LACTB2: variants seen among roughly 807,000 people sequenced by gnomAD.
LACTB2 encodes lactamase beta 2.
A neutral mutation model predicts 34.8 loss-of-function variants in LACTB2; 32 were observed. That is an observed-to-expected ratio of 0.92 (90% confidence interval 0.69 to 1.24). LACTB2 has a LOEUF of 1.24. Ranked by LOEUF, LACTB2 falls within the 50% of genes most tolerant of loss-of-function variation. The pLI, the probability that LACTB2 is intolerant of heterozygous loss-of-function variation, is 0.00. For synonymous variants in LACTB2, 120 were observed against 117.5 expected (o/e 1.02, Z -0.14); for missense variants, 320 against 345.0 (o/e 0.93, Z 0.57).
intron 1 of LACTB2, chr8:70,663,411 T>A (rs1168816463): frequency 1.3e-5 from 2 of 152,266 alleles, no homozygotes; most frequent in Non-Finnish European, 2.9e-5. Flanking sequence ...CATTGGCTTC[T>A]ATCTGCACCC....
At chr8:70,661,418 T>A in intron 2 of LACTB2, 5 of 282,496 alleles carry the variant, frequency 1.8e-5, no homozygotes. Context: ...AGCACCTACC[T>A]CACAGTATCC....
chr8:70,668,500 A>G (rs959740297), intron 1 of LACTB2, among the ~76,000 whole-genome samples: 3 of 152,226 alleles, frequency 2.0e-5, no homozygotes, highest in African/African-American at 7.2e-5. Context: ...ATGAGCCCAC[A>G]GGCTGCAGAG....
chr8:70,638,721 T>G, intron 5 of LACTB2, 92 bp from the exon 6 acceptor site: 1 of 1,041,196 alleles, frequency 9.6e-7, no homozygotes, highest in Non-Finnish European at 1.3e-6. Flanking sequence ...AAGCAAAATG[T>G]AGCAAAAGTT....
At chr8:70,660,334 A>G (rs776889221) in intron 2 of LACTB2, 57 of 302,806 alleles carry the variant, frequency 1.9e-4, no homozygotes, top group Admixed American at 3.4e-4. Flanking sequence ...GTAAGACAAG[A>G]GAAGGAAAAG....
chr8:70,648,318 A>G (rs918393647), intron 3 of LACTB2, among the ~76,000 whole-genome samples: 3 of 152,246 alleles, frequency 2.0e-5, no homozygotes, highest in African/African-American at 7.2e-5. Context: ...AAAACGAACA[A>G]GCAAACAAAG....
chr8:70,657,650 C>T (rs571741058), intron 3 of LACTB2, 106 bp downstream of exon 3: 17 of 1,119,862 alleles, frequency 1.5e-5, no homozygotes, highest in African/African-American at 1.1e-4. Context: ...TGGGCTCAAA[C>T]GATCTTCCCA....
At chr8:70,638,226 CA>C (rs1818147989) in intron 6 of LACTB2, among the ~76,000 whole-genome samples, 1 of 152,146 alleles carries the variant, frequency 6.6e-6, no homozygotes, top group Non-Finnish European at 1.5e-5. Flanking sequence ...TGGCTGTTCC[CA>C]AATCTACCAC....
At chr8:70,640,196 A>T (rs575829447) in intron 5 of LACTB2, among the ~76,000 whole-genome samples, 8 of 152,230 alleles carry the variant, frequency 5.3e-5, no homozygotes, top group Non-Finnish European at 4.4e-5. Flanking sequence ...TCCTGGGCTG[A>T]AGCAAACCTC....
intron 3 of LACTB2, among the ~76,000 whole-genome samples, chr8:70,650,446 G>A (rs1187632765): frequency 6.6e-6 from 1 of 151,940 alleles, no homozygotes; most frequent in Admixed American, 6.6e-5. Context: ...AACTCTCCTG[G>A]AGCACAGAAA....
chr8:70,668,171 T>C (rs1299194981), intron 1 of LACTB2, among the ~76,000 whole-genome samples: 4 of 152,212 alleles, frequency 2.6e-5, no homozygotes, highest in Admixed American at 6.5e-5. Flanking sequence ...ACTTACTAAA[T>C]CGTTTTTAGT....
chr8:70,662,505 G>A (rs1352560192), intron 1 of LACTB2: 3 of 152,166 alleles, frequency 2.0e-5, no homozygotes, highest in Non-Finnish European at 4.4e-5. Flanking sequence ...CTTTAGTGAA[G>A]CATGGGAAAA....
chr8:70,641,320 C>T (rs1363703198), intron 4 of LACTB2, among the ~76,000 whole-genome samples: 1 of 152,078 alleles, frequency 6.6e-6, no homozygotes, highest in Non-Finnish European at 1.5e-5. Flanking sequence ...CAATAAAACA[C>T]AGCAATAAAA....
chr8:70,660,538 C>T (rs1445285246), intron 2 of LACTB2: 1 of 447,098 alleles, frequency 2.2e-6, no homozygotes, highest in Non-Finnish European at 4.5e-6. Flanking sequence ...TTTAAAAATA[C>T]TAGCTCAATG....
chr8:70,663,199 G>C (rs1408085373), intron 1 of LACTB2: 2 of 152,234 alleles, frequency 1.3e-5, no homozygotes, highest in African/African-American at 4.8e-5. Context: ...CTGTTGGTGA[G>C]AAGGGGAACT....
At chr8:70,641,418 T>C (rs1170866292) in intron 4 of LACTB2, among the ~76,000 whole-genome samples, 2 of 152,226 alleles carry the variant, frequency 1.3e-5, no homozygotes, top group African/African-American at 4.8e-5. Flanking sequence ...CATACATTAT[T>C]CTTACAAGAA....
intron 5 of LACTB2, 115 bp from the exon 6 acceptor site, chr8:70,638,744 AT>A (rs377700622): frequency 0.15 from 93,216 of 621,514 alleles, no homozygotes; most frequent in South Asian, 0.2. Flanking sequence ...TCTTAAACAC[AT>A]TTTTTTTTTT....
intron 3 of LACTB2, among the ~76,000 whole-genome samples, chr8:70,647,412 C>G (rs1448085962): frequency 6.6e-6 from 1 of 152,176 alleles, no homozygotes; most frequent in East Asian, 1.9e-4. Context: ...GCCACCACAC[C>G]TGGCTAATTT....
At chr8:70,651,319 T>C (rs528413634) in intron 3 of LACTB2, among the ~76,000 whole-genome samples, 1 of 152,334 alleles carries the variant, frequency 6.6e-6, no homozygotes, top group South Asian at 2.1e-4. Context: ...TGGCAAGGTA[T>C]TAAAGAGCTG....
intron 1 of LACTB2, among the ~76,000 whole-genome samples, chr8:70,668,757 T>TTTTTTG (rs1818575552): frequency 6.9e-6 from 1 of 145,582 alleles, no homozygotes; most frequent in African/African-American, 2.6e-5. Flanking sequence ...AGTTTTTTTT[T>TTTTTTG]TTTTTTTTTT....
Sources: gnomAD v4.1 joint callset for allele counts (sites outside exome capture counted in the v4.1 genomes callset) on GRCh38, gnomAD v4.1.1 for gene constraint, MANE v1.5 for transcripts, NCBI Gene and HGNC (gene_info 2026-07-23, HGNC 2026-07-21) for gene names.